Variants in CNTNAP5 observed in about 807,000 individuals in gnomAD.
The protein encoded by CNTNAP5 is contactin-associated protein-like 5.
In CNTNAP5, 72 loss-of-function variants were observed where a neutral mutation model predicts 150.2. That is an observed-to-expected ratio of 0.48 (90% CI 0.40 to 0.58). CNTNAP5 has a LOEUF of 0.58. Among genes scored for constraint, CNTNAP5 ranks in the 20% least tolerant of loss-of-function variants. CNTNAP5 has a pLI of 0.00. For synonymous variants in CNTNAP5, 672 were observed against 619.8 expected (o/e 1.08, Z -1.25); for missense variants, 1,636 against 1,626.2 (o/e 1.01, Z -0.10).
intron 19 of CNTNAP5, among the ~76,000 whole-genome samples, chr2:124,837,002 G>A (rs1445314625): frequency 6.6e-6 from 1 of 151,958 alleles, no homozygotes; most frequent in Non-Finnish European, 1.5e-5. Flanking sequence ...CAACCCAAGG[G>A]CAAGAGTCAG....
At chr2:124,722,683 A>G (rs1680072145) in intron 13 of CNTNAP5, among the ~76,000 whole-genome samples, 1 of 152,078 alleles carries the variant, frequency 6.6e-6, no homozygotes, top group Non-Finnish European at 1.5e-5. Context: ...TGGGCTGCTG[A>G]GATTAAGGGG....
At chr2:124,630,382 A>C (rs1172527536) in intron 12 of CNTNAP5, among the ~76,000 whole-genome samples, 1 of 152,138 alleles carries the variant, frequency 6.6e-6, no homozygotes, top group Non-Finnish European at 1.5e-5. Context: ...ACCACGATCA[A>C]GTTGGTTTCA....
intron 1 of CNTNAP5, among the ~76,000 whole-genome samples, chr2:124,156,810 G>T (rs999267760): frequency 6.6e-6 from 1 of 152,132 alleles, no homozygotes; most frequent in African/African-American, 2.4e-5. Context: ...ATTTTTGAGA[G>T]TTCACAGAGC....
intron 17 of CNTNAP5, among the ~76,000 whole-genome samples, chr2:124,787,803 CCTGT>C (rs1681631317): frequency 6.6e-6 from 1 of 152,142 alleles, no homozygotes; most frequent in Non-Finnish European, 1.5e-5. Context: ...ATCTCTATTC[CCTGT>C]CTAAGATTAT....
intron 1 of CNTNAP5, among the ~76,000 whole-genome samples, chr2:124,090,000 G>C (rs943227100): frequency 2.6e-5 from 4 of 152,130 alleles, no homozygotes; most frequent in Non-Finnish European, 5.9e-5. Flanking sequence ...CCACGGAGTG[G>C]GAAAGCACTG....
intron 3 of CNTNAP5, among the ~76,000 whole-genome samples, chr2:124,331,693 A>C (rs1573921186): frequency 6.6e-6 from 1 of 152,138 alleles, no homozygotes; most frequent in East Asian, 1.9e-4. Context: ...AAGGCTCAAA[A>C]GAAAATACAA....
chr2:124,626,462 G>C (rs1399608802), intron 12 of CNTNAP5, among the ~76,000 whole-genome samples: 1 of 152,132 alleles, frequency 6.6e-6, no homozygotes, highest in African/African-American at 2.4e-5. Context: ...TCACCTGGGA[G>C]CTGCACTGAG....
chr2:124,517,979 G>A (rs1019197434), intron 8 of CNTNAP5, among the ~76,000 whole-genome samples: 10 of 151,920 alleles, frequency 6.6e-5, no homozygotes, highest in African/African-American at 2.4e-4. Context: ...ATGATGGAGG[G>A]TTGTGATGGT....
At chr2:124,600,764 AGAGAAAG>A (rs1696969275) in intron 11 of CNTNAP5, among the ~76,000 whole-genome samples, 1 of 113,478 alleles carries the variant, frequency 8.8e-6, no homozygotes, top group Non-Finnish European at 2.0e-5. Flanking sequence ...AGAGAGAGAG[AGAGAAAG>A]AGAGAGAAAG....
At chr2:124,778,866 T>G (rs990583154) in intron 17 of CNTNAP5, among the ~76,000 whole-genome samples, 2 of 152,134 alleles carry the variant, frequency 1.3e-5, no homozygotes, top group Non-Finnish European at 2.9e-5. Context: ...AAAGAGTTTC[T>G]TCTGAACCTG....
intron 11 of CNTNAP5, among the ~76,000 whole-genome samples, chr2:124,590,898 A>G (rs140071996): frequency 7.2e-5 from 11 of 152,300 alleles, no homozygotes; most frequent in African/African-American, 2.6e-4. Flanking sequence ...TCTGAATACT[A>G]TCATTATCTT....
At chr2:124,423,846 A>G (rs886434527) in intron 4 of CNTNAP5, among the ~76,000 whole-genome samples, 4 of 136,418 alleles carry the variant, frequency 2.9e-5, no homozygotes, top group African/African-American at 1.1e-4. Flanking sequence ...TTGTATTTTT[A>G]GTAGAGACGG....
At chr2:124,457,010 G>C (rs4447607) in intron 6 of CNTNAP5, among the ~76,000 whole-genome samples, 11,854 of 152,232 alleles carry the variant, frequency 0.078, 661 homozygotes, top group South Asian at 0.18. Flanking sequence ...CTTGGGCAAA[G>C]ATTTCATGAC....
chr2:124,113,994 G>A (rs968896466), intron 1 of CNTNAP5, among the ~76,000 whole-genome samples: 4 of 151,792 alleles, frequency 2.6e-5, no homozygotes, highest in Non-Finnish European at 5.9e-5. Context: ...CTAACCTTGT[G>A]CCAATATCGC....
At chr2:124,288,219 T>G (rs1051321127) in intron 3 of CNTNAP5, among the ~76,000 whole-genome samples, 1 of 152,308 alleles carries the variant, frequency 6.6e-6, no homozygotes, top group South Asian at 2.1e-4. Flanking sequence ...CATGAGCCAC[T>G]GCACCTGGCC....
intron 3 of CNTNAP5, among the ~76,000 whole-genome samples, chr2:124,398,457 T>C (rs990140020): frequency 2.7e-5 from 4 of 149,024 alleles, no homozygotes; most frequent in East Asian, 2.0e-4. Context: ...GAGGGCTTTA[T>C]AGGGAATATT....
At chr2:124,494,190 T>G (rs1321356167) in intron 7 of CNTNAP5, among the ~76,000 whole-genome samples, 1 of 151,720 alleles carries the variant, frequency 6.6e-6, no homozygotes, top group Non-Finnish European at 1.5e-5. Context: ...GTGGAGACAC[T>G]GGGATGTTTA....
intron 8 of CNTNAP5, among the ~76,000 whole-genome samples, chr2:124,516,107 A>G (rs539717143): frequency 4.6e-5 from 7 of 152,338 alleles, no homozygotes; most frequent in Admixed American, 4.6e-4. Flanking sequence ...TGTGAACTCA[A>G]TCTACCATAA....
At chr2:124,891,631 C>T (rs1211578257) in intron 21 of CNTNAP5, among the ~76,000 whole-genome samples, 1 of 152,032 alleles carries the variant, frequency 6.6e-6, no homozygotes, top group East Asian at 1.9e-4. Context: ...AAAACCTGTT[C>T]TAAAGGGGAA....
Sources: gnomAD v4.1 joint callset for allele counts (sites outside exome capture counted in the v4.1 genomes callset) on GRCh38, gnomAD v4.1.1 for gene constraint, MANE v1.5 for transcripts, NCBI Gene and HGNC (gene_info 2026-07-23, HGNC 2026-07-21) for gene names.